The following SYT16 variants were observed in gnomAD, a reference collection of about 807,000 sequenced individuals.
SYT16 encodes the protein synaptotagmin 16.
SYT16 carries 42 observed loss-of-function variants against 61.4 expected under a neutral mutation model. The observed-to-expected ratio is 0.68, with a 90% CI of 0.53 to 0.89. The LOEUF (loss-of-function observed/expected upper bound fraction) is 0.89. Among genes scored for constraint, SYT16 ranks in the 40% least tolerant of loss-of-function variants. The pLI is 0.00. For missense variants in SYT16, 804 were observed against 807.3 expected, an observed-to-expected ratio of 1.00 and a Z score of 0.05; for synonymous variants, 314 against 302.3, an observed-to-expected ratio of 1.04 and a Z score of -0.40.
intron 1 of SYT16, among the ~76,000 whole-genome samples, chr14:61,875,590 G>A (rs578216587): frequency 1.1e-4 from 16 of 152,324 alleles, no homozygotes; most frequent in South Asian, 1.0e-3. Context: ...ATGCTGCTTG[G>A]TTCACAGATT....
intron 3 of SYT16, among the ~76,000 whole-genome samples, chr14:62,056,434 A>T (rs369826100): frequency 6.6e-6 from 1 of 152,220 alleles, no homozygotes; most frequent in African/African-American, 2.4e-5. Flanking sequence ...ATTGTTGGTT[A>T]TAAAAGACAG....
chr14:61,955,172 G>T (rs2050823961), intron 1 of SYT16, among the ~76,000 whole-genome samples: 1 of 152,012 alleles, frequency 6.6e-6, no homozygotes. Context: ...AGCTTGATGT[G>T]TTTGCAGATA....
At chr14:61,812,532 G>A (rs571967671), upstream of SYT16, among the ~76,000 whole-genome samples, 212 of 151,398 alleles carry the variant, frequency 1.4e-3, 4 homozygotes, top group South Asian at 0.022. Flanking sequence ...AGGCGAGGAG[G>A]GGGAGATCCA....
chr14:61,830,634 C>A (rs779908172), intron 1 of SYT16, among the ~76,000 whole-genome samples: 2 of 152,150 alleles, frequency 1.3e-5, no homozygotes, highest in Admixed American at 6.5e-5. Flanking sequence ...CTCTTTTCTC[C>A]ATAATCCTTC....
At chr14:61,989,196 G>A (rs907981482) in intron 2 of SYT16, among the ~76,000 whole-genome samples, 5 of 152,084 alleles carry the variant, frequency 3.3e-5, no homozygotes, top group East Asian at 1.9e-4. Context: ...GGAGTTTAAT[G>A]TATTTTTACC....
intron 1 of SYT16, among the ~76,000 whole-genome samples, chr14:61,905,294 G>A (rs1413472057): frequency 1.3e-5 from 2 of 151,764 alleles, no homozygotes; most frequent in Admixed American, 1.3e-4. Context: ...TGTGTGAATG[G>A]AATATTCATG....
intron 1 of SYT16, among the ~76,000 whole-genome samples, chr14:61,854,977 A>G (rs1406911401): frequency 6.6e-6 from 1 of 152,020 alleles, no homozygotes; most frequent in Non-Finnish European, 1.5e-5. Context: ...AAAATCTAGC[A>G]CCTTGGGTTT....
intron 2 of SYT16, among the ~76,000 whole-genome samples, chr14:61,986,438 A>T (rs1206223610): frequency 2.0e-5 from 3 of 149,730 alleles, no homozygotes; most frequent in Non-Finnish European, 4.4e-5. Context: ...TTTTTTATTT[A>T]AAAAATTTAT....
At chr14:62,086,607 G>A (rs1319421019) in intron 7 of SYT16, among the ~76,000 whole-genome samples, 1 of 152,158 alleles carries the variant, frequency 6.6e-6, no homozygotes, top group East Asian at 1.9e-4. Flanking sequence ...TTGCATTCCT[G>A]TAATACATGC....
rs982630759 is a variant in SYT16, at chr14:62,101,959, T to G, written c.*1252T>G. The stretch of plus-strand genomic sequence containing the variant: ...ATATTTATGCAGTGCATGTTTACTT[T>G]CCTTATTCATAGGTCTGGGCCCTTA... On this transcript the variant is annotated 3_prime_UTR_variant, in exon 8 of 8. Transcript: ENST00000683842. 1 of 152,228 alleles carries G rather than the reference T, an allele frequency of 6.6e-6. No homozygotes were observed. Among genetic ancestry groups the G allele is most frequent in the African/African-American group, 2.4e-5 (1 of 41,460 alleles). 9.4% of individuals were successfully genotyped at this position (152,228 alleles called of 1,614,324 possible).
At chr14:61,821,352 A>G (rs1375401820) in intron 1 of SYT16, among the ~76,000 whole-genome samples, 5 of 152,136 alleles carry the variant, frequency 3.3e-5, no homozygotes, top group African/African-American at 9.7e-5. Flanking sequence ...TTTGTTATCT[A>G]TTGCTGCATA....
intron 1 of SYT16, among the ~76,000 whole-genome samples, chr14:61,907,489 G>A (rs1315423245): frequency 6.6e-6 from 1 of 152,178 alleles, no homozygotes; most frequent in African/African-American, 2.4e-5. Context: ...CTGGCTCAGG[G>A]TCTGTCTGAG....
At chr14:62,078,155 C>CTCTATA (rs766089633) in intron 5 of SYT16, among the ~76,000 whole-genome samples, 2,920 of 135,890 alleles carry the variant, frequency 0.021, 34 homozygotes, top group Middle Eastern at 0.034. Context: ...CTCTCTCTCT[C>CTCTATA]TATATATATA....
chr14:61,874,501 A>G (rs1398402985), intron 1 of SYT16, among the ~76,000 whole-genome samples: 2 of 152,230 alleles, frequency 1.3e-5, no homozygotes, highest in African/African-American at 4.8e-5. Flanking sequence ...TACATACACA[A>G]TATATTTTTA....
chr14:61,842,900 A>C (rs1048675005), intron 1 of SYT16, among the ~76,000 whole-genome samples: 1 of 152,162 alleles, frequency 6.6e-6, no homozygotes, highest in Admixed American at 6.5e-5. Context: ...CATTGTGCAC[A>C]TGTACCCTAA....
intron 1 of SYT16, among the ~76,000 whole-genome samples, chr14:61,814,553 C>A (rs1215201884): frequency 6.6e-6 from 1 of 152,102 alleles, no homozygotes; most frequent in Non-Finnish European, 1.5e-5. Context: ...ATTGATGTTT[C>A]TTCTACTTCC....
rs373682692 is a variant in SYT16, at chr14:62,078,423, G to T, written c.994-2411G>T. On this transcript the variant is annotated intron_variant, in intron 5 of 7. Transcript: ENST00000683842. ...TTTAGTCTTTCTAAGCTTGAGTTTCGTCCTCCATAAAATGAAGATATTAAA... is the reference window on the plus strand; with the variant it reads ...TTTAGTCTTTCTAAGCTTGAGTTTCTTCCTCCATAAAATGAAGATATTAAA... 3.3e-5 allele frequency among the ~76,000 whole-genome samples: 5 copies of T among 152,126 alleles called. No individual in the cohort carries two copies. In the East Asian group the frequency reaches 9.7e-4, roughly 29 times the overall value.
At chr14:61,918,449 G>A (rs1289992004) in intron 1 of SYT16, among the ~76,000 whole-genome samples, 1 of 152,040 alleles carries the variant, frequency 6.6e-6, no homozygotes, top group Non-Finnish European at 1.5e-5. Context: ...GAAGATGGGG[G>A]ATAAAGGAAC....
At chr14:62,016,204 A>G (rs7140130) in intron 3 of SYT16, among the ~76,000 whole-genome samples, 69,434 of 152,010 alleles carry the variant, frequency 0.46, 16,338 homozygotes, top group East Asian at 0.71. Flanking sequence ...TGAAGTCATG[A>G]TGTTTCAGTT....
Sources: gnomAD v4.1 joint callset for allele counts (sites outside exome capture counted in the v4.1 genomes callset) on GRCh38, gnomAD v4.1.1 for gene constraint, MANE v1.5 for transcripts, NCBI Gene and HGNC (gene_info 2026-07-23, HGNC 2026-07-21) for gene names.